CCDC197: variants seen among roughly 807,000 people sequenced by gnomAD.
The protein encoded by CCDC197 is coiled-coil domain containing 197, also known as uncharacterized protein CCDC197.
In CCDC197, 24 loss-of-function variants were observed where a neutral mutation model predicts 13.4. The ratio of observed to expected loss-of-function variants is 1.80; its 90% CI spans 1.30 to 2.53. The LOEUF (loss-of-function observed/expected upper bound fraction) is 2.53, where lower values mean the gene tolerates loss of function less well. Ranked by LOEUF, CCDC197 falls within the 30% of genes most tolerant of loss-of-function variation. The pLI is 0.00. For missense variants in CCDC197, 255 were observed against 148.8 expected (o/e 1.71, Z -3.71); for synonymous variants, 99 against 55.5 (o/e 1.78, Z -3.48).
At position 94,003,260 on chromosome 14, in the gene CCDC197, G is replaced by T. The variant is rs190613093; in HGVS notation, c.404G>T (p.Cys135Phe). 5.5e-4 allele frequency: 426 copies of T among 780,994 alleles called. 2 individuals are homozygous for T. In the East Asian group the frequency reaches 0.01, roughly 19 times the overall value. 48.4% of individuals were successfully genotyped at this position (780,994 alleles called of 1,614,324 possible). Residue 135 changes from cysteine (C) to phenylalanine (F), a missense_variant, in exon 5 of 7, where the codon TGC becomes TTC. Cys to Phe is a radical substitution (Grantham distance 205). Transcript: ENST00000636493. This position sits in a 1 kb window ranked among gnomAD's most constrained non-coding sequence, Gnocchi z 5.0. The stretch of plus-strand genomic sequence containing the variant: ...CGGCTGTGTCAGCTGCAGAAGAAGT[G>T]CTACCGCAAGCAGGAGCAGTGGTGG... ...KIRLCQLQKK[C>F]YRKQEQWWQL... is the part of the protein sequence containing the mutation.
chr14:94,002,863 A>AC (rs1380978337), intron 4 of CCDC197, among the ~76,000 whole-genome samples: 1 of 151,134 alleles, frequency 6.6e-6, no homozygotes, highest in Non-Finnish European at 1.5e-5. Flanking sequence ...AAAAAAAAAA[A>AC]AAAACAAAAT....
chr14:93,998,262 G>A, intron 2 of CCDC197, 27 bp downstream of exon 2: 1 of 767,780 alleles, frequency 1.3e-6, no homozygotes, highest in Non-Finnish European at 2.4e-6. Flanking sequence ...CCCTGCCCCA[G>A]CCCCAGCCCC....
chr14:94,001,217 C>A lies in CCDC197; in HGVS notation c.260C>A (p.Thr87Lys). 1 of 780,970 alleles carries A rather than the reference C, an allele frequency of 1.3e-6. No homozygotes were observed. The highest frequency in any genetic ancestry group is 1.3e-5 in the South Asian group (1 of 74,606). The allele number at this position is 780,970 out of a possible 1,614,324, so 48.4% of individuals were successfully genotyped here. The change falls in exon 4 of 7, where the codon ACA becomes AAA. Residue 87 changes from threonine (T) to lysine (K), a missense_variant. Coordinates refer to ENST00000636493, the MANE Select transcript of CCDC197 (RefSeq NM_001351596.2). ...GTGAAGCACTACGGGAAGCTCTTCA[C>A]AGCCAGCCAGGACACGCAGAAGCGC... is the stretch of plus-strand genomic sequence containing the variant. ...ATVKHYGKLF[T>K]ASQDTQKRLE...
At chr14:93,992,688 T>G (rs1890233701), upstream of CCDC197, among the ~76,000 whole-genome samples, 2 of 152,192 alleles carry the variant, frequency 1.3e-5, no homozygotes, top group South Asian at 4.1e-4. Context: ...CCTCGGACCA[T>G]GACCAGAGCC....
intron 5 of CCDC197, 38 bp from the exon 6 acceptor site, chr14:94,004,817 G>C (rs1444722730): frequency 1.4e-6 from 1 of 699,044 alleles, no homozygotes; most frequent in Admixed American, 2.0e-5. Flanking sequence ...TGCTGGGAGA[G>C]AGCCTGAGCC....
intron 4 of CCDC197, among the ~76,000 whole-genome samples, chr14:94,002,684 C>T (rs1198616035): frequency 6.6e-6 from 1 of 152,008 alleles, no homozygotes; most frequent in Non-Finnish European, 1.5e-5. Flanking sequence ...GAAACCCCAT[C>T]TCTACTAAAA....
At chr14:93,996,106 C>T (rs1446897134), upstream of CCDC197, among the ~76,000 whole-genome samples, 1 of 152,198 alleles carries the variant, frequency 6.6e-6, no homozygotes, top group Non-Finnish European at 1.5e-5. Context: ...GGGGGACTCC[C>T]CCACCCCTCC....
intron 6 of CCDC197, chr14:94,006,981 C>G (rs1185102502): frequency 6.6e-6 from 1 of 152,046 alleles, no homozygotes; most frequent in South Asian, 2.1e-4. Context: ...TGCGCCACCA[C>G]ACCTGGCTAA....
chr14:94,001,802 G>A (rs1890521343), intron 4 of CCDC197: 1 of 153,110 alleles, frequency 6.5e-6, no homozygotes, highest in Admixed American at 6.5e-5. Context: ...GGGAGGGATG[G>A]GCACTCCAGG....
chr14:94,005,072 C>T, intron 6 of CCDC197, 101 bp downstream of exon 6: 3 of 624,942 alleles, frequency 4.8e-6, no homozygotes, highest in South Asian at 1.9e-5. Flanking sequence ...TGTGTTTAGC[C>T]CCCCATCAGC....
At chr14:93,988,949 G>A (rs1450416636) in intron 1 of CCDC197, among the ~76,000 whole-genome samples, 4 of 151,804 alleles carry the variant, frequency 2.6e-5, no homozygotes, top group Non-Finnish European at 5.9e-5. Flanking sequence ...TGGGAGAGAG[G>A]ATGGGAGACA....
At chr14:94,011,513 C>T (rs138450768), downstream of CCDC197, among the ~76,000 whole-genome samples, 1,020 of 152,342 alleles carry the variant, frequency 6.7e-3, 2 homozygotes, top group Middle Eastern at 0.071. Flanking sequence ...GCGCGGCTAC[C>T]TCAGGCTGCT....
Position 93,997,393 on chromosome 14 carries a change from C to T in CCDC197, c.-312C>T, listed in dbSNP as rs1567041721. 6.6e-6 allele frequency: 1 copy of T among 152,354 alleles called. No individual in the cohort carries two copies. Among genetic ancestry groups the T allele is most frequent in the East Asian group, 1.9e-4 (1 of 5,176 alleles). 9.4% of individuals were successfully genotyped at this position (152,354 alleles called of 1,614,324 possible). ...CTTGTAGCCCCTCACCTTCTCTCCC[C>T]AATGCACTGGGCTGGTTCAGCAGCT... On this transcript the variant is annotated 5_prime_UTR_variant, in exon 1 of 7. Transcript: ENST00000636493.
In CCDC197 at chr14:94,004,901, G is replaced by A. The variant is rs762109459; in HGVS notation, c.545G>A (p.Arg182Gln). Residue 182 changes from arginine to glutamine, a missense_variant, in exon 6 of 7, where the codon CGG (arginine) becomes CAG (glutamine). Arg to Gln is a conservative substitution (Grantham distance 43, BLOSUM62 1). Transcript: ENST00000636493. ...YMQMTITNMA[R>Q]QCCPSAHGVP... The stretch of plus-strand genomic sequence containing the variant: ...CAAATGACCATCACCAACATGGCCC[G>A]GCAGTGCTGCCCCTCTGCCCACGGC... The A allele has an allele frequency of 1.4e-5, 10 of 702,950 alleles. No homozygotes were observed. The Middle Eastern group carries it at 6.9e-4, about 48-fold the overall frequency. 43.5% of individuals were successfully genotyped at this position (702,950 alleles called of 1,614,324 possible). A position where few individuals can be genotyped will look rare whatever the true frequency, so the allele number is the denominator to read the frequency against.
At chr14:93,989,904 C>T (rs1052955308) in intron 1 of CCDC197, among the ~76,000 whole-genome samples, 7 of 152,180 alleles carry the variant, frequency 4.6e-5, no homozygotes, top group African/African-American at 1.4e-4. Context: ...CTTGCAGCCG[C>T]AGGCCTGAGA....
chr14:94,009,320 G>C (rs1890772138), downstream of CCDC197, among the ~76,000 whole-genome samples: 1 of 152,204 alleles, frequency 6.6e-6, no homozygotes, highest in Admixed American at 6.5e-5. Flanking sequence ...TGAGTACCAG[G>C]TTGGTACCTT....
At chr14:93,993,010 G>A (rs761003513), upstream of CCDC197, among the ~76,000 whole-genome samples, 2 of 152,140 alleles carry the variant, frequency 1.3e-5, no homozygotes, top group Non-Finnish European at 2.9e-5. Context: ...GCTACGTCGT[G>A]CCAGGTCTTA....
chr14:93,991,558 A>G (rs1890211065), intron 1 of CCDC197, among the ~76,000 whole-genome samples: 1 of 152,230 alleles, frequency 6.6e-6, no homozygotes, highest in African/African-American at 2.4e-5. Context: ...TGGGTCCAGT[A>G]CTATTCTTCT....
upstream of CCDC197, among the ~76,000 whole-genome samples, chr14:93,994,488 C>T (rs1250678008): frequency 3.9e-5 from 6 of 152,188 alleles, no homozygotes. Flanking sequence ...CGTGATAGGA[C>T]TCAATCCCTG....
Sources: allele counts gnomAD v4.1 joint callset (sites outside exome capture counted in the v4.1 genomes callset), GRCh38; gene constraint gnomAD v4.1.1; non-coding constraint Gnocchi (gnomAD v3.1); transcripts MANE v1.5; gene names NCBI Gene and HGNC (gene_info 2026-07-23, HGNC 2026-07-21).